OPHN1: variants seen among roughly 807,000 people sequenced by gnomAD.
OPHN1 encodes the protein oligophrenin-1.
OPHN1 carries 11 observed loss-of-function variants against 60.7 expected under a neutral mutation model. The ratio of observed to expected loss-of-function variants is 0.18; its 90% CI spans 0.11 to 0.30. The LOEUF (loss-of-function observed/expected upper bound fraction) is 0.30. Ranked by LOEUF, OPHN1 falls within the 10% of genes least tolerant of loss-of-function variation. The pLI, the probability that OPHN1 is intolerant of heterozygous loss-of-function variation, is 1.00. For missense variants in OPHN1, 449 were observed against 611.0 expected (o/e 0.73, Z 2.80); for synonymous variants, 226 against 222.6 (o/e 1.02, Z -0.14).
intron 15 of OPHN1, among the ~76,000 whole-genome samples, chrX:68,189,456 T>C (rs903523695): frequency 9.0e-6 from 1 of 110,666 alleles, no homozygotes; most frequent in Non-Finnish European, 1.9e-5. Flanking sequence ...GCTGCACCCA[T>C]TAACTCATCA....
chrX:68,317,194 G>A, intron 2 of OPHN1, among the ~76,000 whole-genome samples: 1 of 106,613 alleles, frequency 9.4e-6, no homozygotes, highest in South Asian at 4.2e-4. Flanking sequence ...CAGCTACTCA[G>A]GAGGCTGAGA....
intron 10 of OPHN1, among the ~76,000 whole-genome samples, chrX:68,203,564 A>G (rs1169338967): frequency 9.0e-6 from 1 of 111,357 alleles, no homozygotes; most frequent in Non-Finnish European, 1.9e-5. Context: ...TCAAAATGAG[A>G]GTTATGAGCA....
chrX:68,277,223 A>C (rs2077995834), intron 4 of OPHN1, among the ~76,000 whole-genome samples: 1 of 111,529 alleles, frequency 9.0e-6, no homozygotes, highest in African/African-American at 3.3e-5. Context: ...AGATTGTCAT[A>C]AACAGCATGC....
At chrX:68,293,260 A>G (rs1030549866) in intron 3 of OPHN1, among the ~76,000 whole-genome samples, 3 of 112,458 alleles carry the variant, frequency 2.7e-5, no homozygotes, top group African/African-American at 9.7e-5. Flanking sequence ...AAAGCCCTCA[A>G]GAGACTATTT....
chrX:68,172,282 A>G (rs2077395108), intron 15 of OPHN1, among the ~76,000 whole-genome samples: 1 of 112,431 alleles, frequency 8.9e-6, no homozygotes, highest in Non-Finnish European at 1.9e-5. Context: ...ATAAAAAGGA[A>G]TGAATTCCTG....
chrX:68,414,933 AAAG>A (rs1402456349), intron 2 of OPHN1, among the ~76,000 whole-genome samples: 1 of 112,456 alleles, frequency 8.9e-6, no homozygotes, highest in East Asian at 2.8e-4. Context: ...AAGAATAAAA[AAAG>A]AAGAAGACTT....
chrX:68,332,991 C>A (rs2078302955), intron 2 of OPHN1, among the ~76,000 whole-genome samples: 1 of 110,859 alleles, frequency 9.0e-6, no homozygotes, highest in African/African-American at 3.3e-5. Flanking sequence ...AAACTGACCA[C>A]TCCATCACTA....
chrX:68,231,559 G>A (rs1259821916), intron 6 of OPHN1, among the ~76,000 whole-genome samples: 1 of 111,676 alleles, frequency 9.0e-6, no homozygotes, highest in Non-Finnish European at 1.9e-5. Flanking sequence ...TCCTTCAATA[G>A]GCAAATGGAT....
chrX:68,175,828 A>G (rs760263462), intron 15 of OPHN1, among the ~76,000 whole-genome samples: 1 of 112,285 alleles, frequency 8.9e-6, no homozygotes, highest in Admixed American at 9.5e-5. Flanking sequence ...TGTCTTTGAC[A>G]AAGCAATCGT....
rs761529691 is a variant in OPHN1, at chrX:68,064,153, T to G, written c.1859A>C (p.Asn620Thr). Residue 620 changes from asparagine (N) to threonine (T), a missense_variant, in exon 21 of 25, where the codon AAT becomes ACT. Transcript: ENST00000355520. ...SEDEIQHQTP[N>T]GTITSSIEPP... ...TTCTATGCTGCTGGTGATAGTACCA[T>G]TCGGTGTTTGATGTTGGATTTCATC... 2.5e-6 allele frequency: 3 copies of G among 1,211,200 alleles called. No individual in the cohort carries two copies.
At chrX:68,312,100 ATTT>A (rs112240586) in intron 2 of OPHN1, among the ~76,000 whole-genome samples, 80 of 92,227 alleles carry the variant, frequency 8.7e-4, no homozygotes, top group African/African-American at 2.8e-3. Flanking sequence ...ATTATATTCT[ATTT>A]TTTTTTTTTT....
chrX:68,381,792 A>ATC (rs1293145454), intron 2 of OPHN1, among the ~76,000 whole-genome samples: 1 of 109,838 alleles, frequency 9.1e-6, no homozygotes, highest in African/African-American at 3.3e-5. Context: ...GATAGGGCCA[A>ATC]TCTCTCTCTC....
chrX:68,270,745 TA>T (rs60917313), intron 5 of OPHN1, among the ~76,000 whole-genome samples: 28 of 109,118 alleles, frequency 2.6e-4, no homozygotes, highest in Non-Finnish European at 4.6e-4. Flanking sequence ...TAATAATAAT[TA>T]AAAAAAAAGA....
chrX:68,320,147 C>T (rs916872639), intron 2 of OPHN1, among the ~76,000 whole-genome samples: 8 of 110,794 alleles, frequency 7.2e-5, no homozygotes, highest in African/African-American at 2.6e-4. Context: ...GTCAGGAGTT[C>T]GAGACCAGCC....
At chrX:68,107,789 C>A (rs774188880) in intron 18 of OPHN1, among the ~76,000 whole-genome samples, 1 of 112,103 alleles carries the variant, frequency 8.9e-6, no homozygotes, top group Non-Finnish European at 1.9e-5. Context: ...TCCGTTATTA[C>A]TGATGCTAAC....
intron 2 of OPHN1, among the ~76,000 whole-genome samples, chrX:68,333,660 C>T (rs1023935971): frequency 9.2e-6 from 1 of 108,464 alleles, no homozygotes; most frequent in African/African-American, 3.4e-5. Context: ...AATAATAAAG[C>T]GCGCGTGCGT....
intron 6 of OPHN1, among the ~76,000 whole-genome samples, chrX:68,218,465 G>T (rs1464591500): frequency 6.5e-5 from 7 of 107,302 alleles, no homozygotes; most frequent in Non-Finnish European, 9.6e-5. Flanking sequence ...GCGACTCCAA[G>T]ACACATAATT....
intron 2 of OPHN1, among the ~76,000 whole-genome samples, chrX:68,303,605 G>A (rs190057158): frequency 1.9e-5 from 2 of 107,639 alleles, no homozygotes; most frequent in African/African-American, 6.8e-5. Flanking sequence ...CCGAGATCAC[G>A]CCATTGCACT....
At chrX:68,060,854 T>A (rs1276450606) in intron 21 of OPHN1, among the ~76,000 whole-genome samples, 1 of 111,977 alleles carries the variant, frequency 8.9e-6, no homozygotes, top group Non-Finnish European at 1.9e-5. Context: ...TTCAGGCTAC[T>A]GGCCAGTACC....
Sources: gnomAD v4.1 joint callset for allele counts (sites outside exome capture counted in the v4.1 genomes callset) on GRCh38, gnomAD v4.1.1 for gene constraint, MANE v1.5 for transcripts, NCBI Gene and HGNC (gene_info 2026-07-23, HGNC 2026-07-21) for gene names.